Variants in ZNF804B observed in about 807,000 individuals in gnomAD.
ZNF804B encodes the protein zinc finger 804B.
In ZNF804B, 80 loss-of-function variants were observed where a neutral mutation model predicts 101.4. The ratio of observed to expected loss-of-function variants is 0.79; its 90% CI spans 0.66 to 0.95. The LOEUF is 0.95. Ranked by LOEUF, ZNF804B falls within the 40% of genes least tolerant of loss-of-function variation. ZNF804B has a pLI of 0.00. For synonymous variants in ZNF804B, 622 were observed against 558.8 expected (o/e 1.11, Z -1.59); for missense variants, 1,673 against 1,561.9 (o/e 1.07, Z -1.20).
chr7:89,134,941 T>G (rs1790607057), intron 1 of ZNF804B, among the ~76,000 whole-genome samples: 1 of 152,102 alleles, frequency 6.6e-6, no homozygotes, highest in Non-Finnish European at 1.5e-5. Flanking sequence ...TCAGTTTTAT[T>G]GCATTGACCT....
At chr7:88,988,786 G>A (rs1398417415) in intron 1 of ZNF804B, among the ~76,000 whole-genome samples, 1 of 152,090 alleles carries the variant, frequency 6.6e-6, no homozygotes, top group Non-Finnish European at 1.5e-5. Flanking sequence ...TAATATATGA[G>A]TAAGACTAAA....
intron 1 of ZNF804B, among the ~76,000 whole-genome samples, chr7:88,853,083 A>G (rs1791469834): frequency 6.6e-6 from 1 of 152,108 alleles, no homozygotes; most frequent in Non-Finnish European, 1.5e-5. Context: ...GAAAGGCAAC[A>G]TTAGATAGGT....
At chr7:88,976,753 T>C (rs1386552382) in intron 1 of ZNF804B, among the ~76,000 whole-genome samples, 1 of 151,690 alleles carries the variant, frequency 6.6e-6, no homozygotes, top group Non-Finnish European at 1.5e-5. Flanking sequence ...TTGCTCTAGC[T>C]AGGGCTTCCA....
At chr7:89,263,487 A>G (rs1166767250) in intron 2 of ZNF804B, among the ~76,000 whole-genome samples, 1 of 152,156 alleles carries the variant, frequency 6.6e-6, no homozygotes, top group Non-Finnish European at 1.5e-5. Flanking sequence ...TTGATGCAGA[A>G]GGAGAAAATT....
At chr7:89,269,958 AT>A (rs1294903459) in intron 2 of ZNF804B, among the ~76,000 whole-genome samples, 1 of 151,942 alleles carries the variant, frequency 6.6e-6, no homozygotes, top group African/African-American at 2.4e-5. Context: ...TAGATTCTGG[AT>A]ATTAGCCCTT....
intron 1 of ZNF804B, among the ~76,000 whole-genome samples, chr7:89,145,045 G>T (rs1790772540): frequency 1.3e-5 from 2 of 151,972 alleles, no homozygotes; most frequent in East Asian, 1.9e-4. Context: ...AGTGGAGGTT[G>T]CAGTGAGCCA....
chr7:89,242,264 C>T (rs1037380975), intron 2 of ZNF804B, among the ~76,000 whole-genome samples: 1 of 150,812 alleles, frequency 6.6e-6, no homozygotes, highest in Non-Finnish European at 1.5e-5. Context: ...AAGAAGTAAG[C>T]TATTGTTAGG....
chr7:88,780,551 C>A (rs1790210005), intron 1 of ZNF804B, among the ~76,000 whole-genome samples: 1 of 151,674 alleles, frequency 6.6e-6, no homozygotes, highest in African/African-American at 2.4e-5. Context: ...CTATGCCTGG[C>A]TAATTTTTGA....
intron 1 of ZNF804B, among the ~76,000 whole-genome samples, chr7:88,807,109 A>G (rs1334011071): frequency 6.6e-6 from 1 of 152,142 alleles, no homozygotes; most frequent in Non-Finnish European, 1.5e-5. Flanking sequence ...CTTTTAACCT[A>G]TATTTCAGAA....
chr7:88,764,535 A>G (rs1422363531), intron 1 of ZNF804B, among the ~76,000 whole-genome samples: 2 of 152,244 alleles, frequency 1.3e-5, no homozygotes, highest in East Asian at 1.9e-4. Flanking sequence ...ATGGACCAAC[A>G]ATCTGCTACA....
chr7:88,816,283 A>T (rs1262736418), intron 1 of ZNF804B, among the ~76,000 whole-genome samples: 1 of 152,150 alleles, frequency 6.6e-6, no homozygotes, highest in Non-Finnish European at 1.5e-5. Flanking sequence ...AAAGCTGCAG[A>T]AGAAAACCTA....
At position 88,854,444 on chromosome 7, in the gene ZNF804B, T is replaced by C. The variant is rs536811202; in HGVS notation, c.108+94360T>C. ...CTTTCTTTCTTTCTTTCTTTCTTTC[T>C]TTCTTTCTTTCTTTCTTTCTTTCTT... On this transcript the variant is annotated intron_variant, in intron 1 of 3. Transcript: ENST00000333190. Among the ~76,000 whole-genome samples, 61 of 128,908 alleles carry C rather than the reference T, an allele frequency of 4.7e-4. No homozygotes were observed. In the Middle Eastern group the frequency reaches 0.015, roughly 31 times the overall value. 84.6% of individuals were successfully genotyped at this position (128,908 alleles called of 152,430 possible).
chr7:89,319,145 T>G (rs903404478), intron 2 of ZNF804B, among the ~76,000 whole-genome samples: 1 of 152,094 alleles, frequency 6.6e-6, no homozygotes, highest in African/African-American at 2.4e-5. Context: ...CCTTCCAGCT[T>G]GGGCATTAGG....
chr7:89,298,216 GTATATATATATA>G (rs1171165341), intron 2 of ZNF804B, among the ~76,000 whole-genome samples: 53 of 27,524 alleles, frequency 1.9e-3, no homozygotes, highest in East Asian at 7.8e-3. Flanking sequence ...GTGTGTGTGT[GTATATATATATA>G]TATATATATA....
chr7:89,023,867 C>T (rs1196643135), intron 1 of ZNF804B, among the ~76,000 whole-genome samples: 1 of 152,176 alleles, frequency 6.6e-6, no homozygotes, highest in African/African-American at 2.4e-5. Flanking sequence ...CCTCATTTTT[C>T]ATGTCACAAT....
At chr7:89,245,996 G>A (rs989429772) in intron 2 of ZNF804B, among the ~76,000 whole-genome samples, 2 of 152,134 alleles carry the variant, frequency 1.3e-5, no homozygotes, top group Non-Finnish European at 2.9e-5. Flanking sequence ...ACTGGGAAAA[G>A]CTGCAGACAT....
chr7:88,985,742 A>C (rs1367684415), intron 1 of ZNF804B, among the ~76,000 whole-genome samples: 1 of 152,130 alleles, frequency 6.6e-6, no homozygotes, highest in Non-Finnish European at 1.5e-5. Context: ...AGATACTGGA[A>C]GATTTTAACA....
At chr7:88,899,768 C>T (rs1339604534) in intron 1 of ZNF804B, among the ~76,000 whole-genome samples, 4 of 152,184 alleles carry the variant, frequency 2.6e-5, no homozygotes. Context: ...CCATCATCCT[C>T]AGATACCCAT....
intron 1 of ZNF804B, among the ~76,000 whole-genome samples, chr7:88,963,277 G>T (rs1793413299): frequency 6.6e-6 from 1 of 151,164 alleles, no homozygotes; most frequent in Non-Finnish European, 1.5e-5. Flanking sequence ...ATGTACAAAG[G>T]TACAGTAATC....
Sources: gnomAD v4.1 joint callset for allele counts (sites outside exome capture counted in the v4.1 genomes callset) on GRCh38, gnomAD v4.1.1 for gene constraint, MANE v1.5 for transcripts, NCBI Gene and HGNC (gene_info 2026-07-23, HGNC 2026-07-21) for gene names.